The following PNPLA7 variants were observed in gnomAD, a reference collection of about 807,000 sequenced individuals.
The protein encoded by PNPLA7 is patatin-like phospholipase domain-containing protein 7.
Under a neutral mutation model 161.7 loss-of-function variants are expected in PNPLA7, and 153 were observed. That is an observed-to-expected ratio of 0.95 (90% CI 0.83 to 1.08). The LOEUF (loss-of-function observed/expected upper bound fraction) is 1.08, where lower values mean the gene tolerates loss of function less well. Ranked by LOEUF, PNPLA7 falls within the 50% of genes least tolerant of loss-of-function variation. The pLI, the probability that PNPLA7 is intolerant of heterozygous loss-of-function variation, is 0.00. For missense variants in PNPLA7, 1,739 were observed against 1,856.6 expected (o/e 0.94, Z 1.16); for synonymous variants, 809 against 782.1 (o/e 1.03, Z -0.57).
In PNPLA7 at chr9:137,460,084, G is replaced by A. The variant is rs1260595632; in HGVS notation, c.*309C>T. On this transcript the variant is annotated 3_prime_UTR_variant, in exon 35 of 35. Transcript: ENST00000406427. The stretch of plus-strand genomic sequence containing the variant: ...TGGGGGCCTCACAGGGCAGCAGGTG[G>A]TTCACAGGGCTTCGGGGGGCCTCAC... 4 of 326,620 alleles carry A rather than the reference G, an allele frequency of 1.2e-5. No homozygotes were observed. The highest frequency in any genetic ancestry group is 2.4e-5 in the Non-Finnish European group (4 of 168,266). 20.2% of individuals were successfully genotyped at this position (326,620 alleles called of 1,614,324 possible).
rs549430564 is a variant in PNPLA7 at position 137,506,136 on chromosome 9, C to T, written c.1226-53G>A. 10 of 1,488,116 alleles carry T rather than the reference C, an allele frequency of 6.7e-6. No homozygotes were observed. The African/African-American group carries it at 6.9e-5, about 10-fold the overall frequency. The allele number at this position is 1,488,116 out of a possible 1,614,324, so 92.2% of individuals were successfully genotyped here. A position where few individuals can be genotyped will look rare whatever the true frequency, so the allele number is the denominator to read the frequency against. The stretch of plus-strand genomic sequence containing the variant: ...CGGTTCGCTAGGCCACTGACACAAA[C>T]GTCCGCGGTGTGGGCTGAGCACACC... On this transcript the variant is annotated intron_variant, in intron 12 of 34. Coordinates refer to ENST00000406427, the MANE Select transcript of PNPLA7 (RefSeq NM_001098537.3).
At chr9:137,477,854 G>T (rs1832012716) in intron 25 of PNPLA7, among the ~76,000 whole-genome samples, 180 bp downstream of exon 25, 1 of 152,236 alleles carries the variant, frequency 6.6e-6, no homozygotes, top group Non-Finnish European at 1.5e-5. Flanking sequence ...CATGTGCCAG[G>T]GTCTGCAGGG....
intron 12 of PNPLA7, among the ~76,000 whole-genome samples, chr9:137,512,821 C>T (rs930559619): frequency 6.6e-6 from 1 of 151,576 alleles, no homozygotes; most frequent in Non-Finnish European, 1.5e-5. Flanking sequence ...AAAAAAATGC[C>T]AAGTGCAGTG....
chr9:137,512,170 C>G (rs1409599300), intron 12 of PNPLA7, among the ~76,000 whole-genome samples: 1 of 152,248 alleles, frequency 6.6e-6, no homozygotes, highest in African/African-American at 2.4e-5. Flanking sequence ...AGGGCTGGAC[C>G]CTACACCCCT....
chr9:137,541,435 G>T lies in PNPLA7; in HGVS notation c.667-713C>A, dbSNP rs1312777576. 1 of 985,296 alleles carries T rather than the reference G, an allele frequency of 1.0e-6. No individual in the cohort carries two copies. The highest frequency in any genetic ancestry group is 1.2e-6 in the Non-Finnish European group (1 of 829,932). 61.0% of individuals were successfully genotyped at this position (985,296 alleles called of 1,614,324 possible). ...GACAAACCTGAGAACCAAATAATTT[G>T]CCCAGCAGCGCTTTTGGTCTAGAAA... On this transcript the variant is annotated intron_variant, in intron 7 of 34. Coordinates refer to ENST00000406427, the MANE Select transcript of PNPLA7 (RefSeq NM_001098537.3). This position sits in a 1 kb window ranked among gnomAD's most constrained non-coding sequence, Gnocchi z 4.4.
At position 137,462,730 on chromosome 9, in the gene PNPLA7, C is replaced by T; in HGVS notation, c.3447G>A (p.Trp1149Ter). The change falls in exon 30 of 35, where the codon TGG (tryptophan) becomes TGA (stop). Residue 1149 changes from tryptophan (W) to a stop codon, truncating the protein, a stop_gained. Coordinates refer to ENST00000406427, the MANE Select transcript of PNPLA7 (RefSeq NM_001098537.3). LOFTEE classifies it high-confidence loss of function. ...GGTTCCAGCGTTTCCACAGCAGCCA[C>T]CACCCAGACAGCGCATCCCCATAGT... The part of the protein sequence containing the change: ...LTNYGDALSG[W>*]WLLWKRWNPL... The T allele has an allele frequency of 6.2e-7, 1 of 1,614,014 alleles. No individual in the cohort carries two copies. The highest frequency in any genetic ancestry group is 1.1e-5 in the South Asian group (1 of 91,088).
At chr9:137,479,352 G>A in intron 23 of PNPLA7, 114 bp from the exon 24 acceptor site, 1 of 1,361,450 alleles carries the variant, frequency 7.3e-7, no homozygotes, top group Non-Finnish European at 9.5e-7. Flanking sequence ...GCAGCTCCTG[G>A]GTTCTGCAAA....
Position 137,540,570 on chromosome 9 carries a change from G to T in PNPLA7, c.747+72C>A. The T allele has an allele frequency of 1.5e-6, 2 of 1,360,778 alleles. No homozygotes were observed. Among genetic ancestry groups the T allele is most frequent in the South Asian group, 2.5e-5 (2 of 81,158 alleles). 84.3% of individuals were successfully genotyped at this position (1,360,778 alleles called of 1,614,324 possible). A position where few individuals can be genotyped will look rare whatever the true frequency, so the allele number is the denominator to read the frequency against. On this transcript the variant is annotated intron_variant, in intron 8 of 34. Coordinates refer to ENST00000406427, the MANE Select transcript of PNPLA7 (RefSeq NM_001098537.3). The surrounding 1 kb of genome is among the most constrained non-coding windows in gnomAD (Gnocchi z 5.1). Reference sequence around the variant, plus strand: ...GCCTTTAACCACTACCAGCTGTCCAGACAAGACAGAAAAACCAGGCCTCCG... The same window carrying T: ...GCCTTTAACCACTACCAGCTGTCCATACAAGACAGAAAAACCAGGCCTCCG...
At chr9:137,462,380 T>C (rs754875257) in intron 30 of PNPLA7, 49 bp from the exon 31 acceptor site, 2 of 1,552,518 alleles carry the variant, frequency 1.3e-6, no homozygotes, top group Non-Finnish European at 1.7e-6. Context: ...CCCTACCCCG[T>C]CCCAGCCTGG....
At chr9:137,471,041 A>G (rs1484943836) in intron 25 of PNPLA7, among the ~76,000 whole-genome samples, 1 of 152,260 alleles carries the variant, frequency 6.6e-6, no homozygotes, top group Non-Finnish European at 1.5e-5. Flanking sequence ...CACCACGTCT[A>G]TCCACAGTGC....
In PNPLA7 at chr9:137,506,171, AACC is replaced by A; in HGVS notation, c.1226-91_1226-89del. ...GTGGGCTGAGCACACCCTGCAGTCT[AACC>A]ACACAGACCCCGGCAGCTCCCTCGA... On this transcript the variant is annotated intron_variant, in intron 12 of 34. Coordinates refer to ENST00000406427, the MANE Select transcript of PNPLA7 (RefSeq NM_001098537.3). 2.7e-6 allele frequency: 3 copies of A among 1,097,682 alleles called. No individual in the cohort carries two copies. In the South Asian group the frequency reaches 4.1e-5, roughly 15 times the overall value. The allele number at this position is 1,097,682 out of a possible 1,614,324, so 68.0% of individuals were successfully genotyped here. A position where few individuals can be genotyped will look rare whatever the true frequency, so the allele number is the denominator to read the frequency against.
chr9:137,550,095 G>A (rs1259340007), intron 1 of PNPLA7, 73 bp downstream of exon 1: 10 of 1,572,762 alleles, frequency 6.4e-6, no homozygotes, highest in African/African-American at 2.7e-5. Context: ...CAGACGCCAA[G>A]AGGACCCTTC....
At chr9:137,461,812 G>A in intron 32 of PNPLA7, 119 bp downstream of exon 32, 1 of 1,255,020 alleles carries the variant, frequency 8.0e-7, no homozygotes, top group South Asian at 1.5e-5. Context: ...TCTTTGGCCA[G>A]GGGGGCAGGG....
intron 8 of PNPLA7, among the ~76,000 whole-genome samples, chr9:137,539,057 AAAC>A (rs1836046275): frequency 6.6e-6 from 1 of 152,054 alleles, no homozygotes; most frequent in Admixed American, 6.5e-5. Context: ...GTCTCAAAAA[AAAC>A]AACAAAATTC....
At position 137,515,438 on chromosome 9, in the gene PNPLA7, T is replaced by C. The variant is rs1834479932; in HGVS notation, c.1166A>G (p.Gln389Arg). 6.2e-7 allele frequency: 1 copy of C among 1,602,314 alleles called. No homozygotes were observed. The highest frequency in any genetic ancestry group is 1.1e-5 in the South Asian group (1 of 88,870). ...GGGCTTCTCCAGCTCCTCCAAGATC[T>C]GTTTGCGAATGGAAGGCGCGGGGAC... Reference protein sequence around the residue: ...HSVPAPSIRKQILEELEKPGA... With the variant: ...HSVPAPSIRKRILEELEKPGA... Residue 389 changes from glutamine (Q) to arginine (R), a missense_variant, in exon 12 of 35, where the codon CAG becomes CGG. By Grantham distance (43) the Gln-to-Arg change is conservative (BLOSUM62 1). Transcript: ENST00000406427.
At chr9:137,462,551 G>A in intron 30 of PNPLA7, 134 bp downstream of exon 30, 1 of 1,407,460 alleles carries the variant, frequency 7.1e-7, no homozygotes, top group Non-Finnish European at 9.5e-7. Flanking sequence ...GGCTCAGGCA[G>A]GGGTGGTGAG....
In PNPLA7 at chr9:137,520,686, C is replaced by T. The variant is rs1363978618; in HGVS notation, c.958-643G>A. On this transcript the variant is annotated intron_variant, in intron 10 of 34. Transcript: ENST00000406427. The surrounding 1 kb of genome is among the most constrained non-coding windows in gnomAD (Gnocchi z 5.2). Reference sequence around the variant, plus strand: ...CACGAAACCCTGGTCTCACTCAGTTCCCACGAGAGCTCGGCTAGGTGGGGA... The same window carrying T: ...CACGAAACCCTGGTCTCACTCAGTTTCCACGAGAGCTCGGCTAGGTGGGGA... Among the ~76,000 whole-genome samples the T allele has an allele frequency of 6.6e-6, 1 of 152,234 alleles. No homozygotes were observed. The highest frequency in any genetic ancestry group is 2.4e-5 in the African/African-American group (1 of 41,460).
At chr9:137,480,836 C>T in intron 22 of PNPLA7, 124 bp downstream of exon 22, 2 of 1,092,540 alleles carry the variant, frequency 1.8e-6, no homozygotes, top group Non-Finnish European at 2.7e-6. Context: ...TCAGCCCTCA[C>T]ACCACAGTGT....
At chr9:137,528,725 G>A (rs1835425631) in intron 8 of PNPLA7, among the ~76,000 whole-genome samples, 1 of 147,574 alleles carries the variant, frequency 6.8e-6, no homozygotes, top group Admixed American at 6.7e-5. Flanking sequence ...TTTTGAGATG[G>A]AGTCTCGCTC....
Sources: allele counts gnomAD v4.1 joint callset (sites outside exome capture counted in the v4.1 genomes callset), GRCh38; gene constraint gnomAD v4.1.1; non-coding constraint Gnocchi (gnomAD v3.1); transcripts MANE v1.5; gene names NCBI Gene and HGNC (gene_info 2026-07-23, HGNC 2026-07-21).